DISC1: variants seen among roughly 807,000 people sequenced by gnomAD.
The protein encoded by DISC1 is DISC1 scaffold protein, also known as disrupted in schizophrenia 1 protein.
DISC1 carries 57 observed loss-of-function variants against 84.5 expected under a neutral mutation model. That is an observed-to-expected ratio of 0.67 (90% CI 0.55 to 0.84). DISC1 has a LOEUF of 0.84. DISC1 is among the 40% of genes least tolerant of loss of function. The probability of loss-of-function intolerance (pLI) is 0.00; values close to 1 mark genes in which losing one functional copy is unlikely to be tolerated. For synonymous variants in DISC1, 411 were observed against 415.2 expected (o/e 0.99, Z 0.12); for missense variants, 1,000 against 1,057.8 (o/e 0.95, Z 0.76).
chr1:232,007,182 G>A (rs1429565973), intron 10 of DISC1, among the ~76,000 whole-genome samples: 2 of 152,304 alleles, frequency 1.3e-5, no homozygotes, highest in South Asian at 2.1e-4. Context: ...AGGGAAATGT[G>A]GGGTCAGAGC....
intron 3 of DISC1, among the ~76,000 whole-genome samples, chr1:231,738,185 G>A (rs1054116604): frequency 6.6e-6 from 1 of 152,094 alleles, no homozygotes. Context: ...CCCCAAACAA[G>A]GACACTCTCC....
chr1:231,725,652 A>G (rs2070554309), intron 3 of DISC1, among the ~76,000 whole-genome samples: 1 of 152,210 alleles, frequency 6.6e-6, no homozygotes, highest in East Asian at 1.9e-4. Flanking sequence ...GCTGTCTAAC[A>G]CCACCAGGTC....
chr1:231,985,343 A>G (rs1664265669), intron 10 of DISC1, among the ~76,000 whole-genome samples: 1 of 151,382 alleles, frequency 6.6e-6, no homozygotes, highest in Non-Finnish European at 1.5e-5. Context: ...CACCAAAAAA[A>G]AAAAAAAAAA....
intron 1 of DISC1, among the ~76,000 whole-genome samples, chr1:231,674,585 C>T (rs1236279511): frequency 6.6e-6 from 1 of 152,174 alleles, no homozygotes; most frequent in Non-Finnish European, 1.5e-5. Flanking sequence ...CTAGGTGTGA[C>T]CCGGGTGTGC....
At chr1:231,898,143 A>G (rs1319200860) in intron 9 of DISC1, among the ~76,000 whole-genome samples, 1 of 152,216 alleles carries the variant, frequency 6.6e-6, no homozygotes, top group African/African-American at 2.4e-5. Context: ...AAATCTATGT[A>G]TATTCACTTT....
intron 9 of DISC1, among the ~76,000 whole-genome samples, chr1:231,912,835 CTTCTTT>C (rs2126059601): frequency 6.7e-6 from 1 of 148,756 alleles, no homozygotes; most frequent in Admixed American, 6.8e-5. Flanking sequence ...TTCCTTTCTT[CTTCTTT>C]TTCTTCTTCT....
At chr1:231,679,078 T>G (rs1199528553) in intron 1 of DISC1, among the ~76,000 whole-genome samples, 1 of 152,230 alleles carries the variant, frequency 6.6e-6, no homozygotes, top group Non-Finnish European at 1.5e-5. Context: ...CATGGGCGAC[T>G]TGAATTCTAG....
intron 9 of DISC1, among the ~76,000 whole-genome samples, chr1:231,911,642 A>G (rs1455297250): frequency 6.6e-6 from 1 of 152,078 alleles, no homozygotes; most frequent in Admixed American, 6.5e-5. Context: ...GAATCTGACA[A>G]TTATGTGTCT....
intron 1 of DISC1, among the ~76,000 whole-genome samples, chr1:231,644,435 T>C (rs1044839182): frequency 6.6e-6 from 1 of 152,214 alleles, no homozygotes; most frequent in African/African-American, 2.4e-5. Flanking sequence ...ATTCTGTTAA[T>C]AGGAGGCACT....
At chr1:231,671,593 G>T (rs2062623847) in intron 1 of DISC1, among the ~76,000 whole-genome samples, 1 of 152,120 alleles carries the variant, frequency 6.6e-6, no homozygotes, top group South Asian at 2.1e-4. Context: ...AAGGACCTTG[G>T]AAAAACACTC....
At chr1:231,859,082 C>T (rs2084461418) in intron 9 of DISC1, among the ~76,000 whole-genome samples, 1 of 152,166 alleles carries the variant, frequency 6.6e-6, no homozygotes, top group Admixed American at 6.6e-5. Context: ...ATTTTGGAAA[C>T]CAGCATACTT....
intron 3 of DISC1, among the ~76,000 whole-genome samples, chr1:231,733,113 A>AGTGGTGGGAGTGGTGGTGAGAGTG (rs2071803372): frequency 1.3e-4 from 1 of 7,410 alleles, no homozygotes; most frequent in African/African-American, 5.1e-4. Context: ...TGATGGTGGT[A>AGTGGTGGGAGTGGTGGTGAGAGTG]GTGGTAGGAG....
chr1:231,808,443 C>G (rs1200732775), intron 8 of DISC1, among the ~76,000 whole-genome samples: 2 of 152,200 alleles, frequency 1.3e-5, no homozygotes, highest in Non-Finnish European at 2.9e-5. Context: ...GTTACTCTCC[C>G]CTGGCCTTCC....
intron 9 of DISC1, among the ~76,000 whole-genome samples, chr1:231,933,234 G>A (rs908526672): frequency 6.6e-6 from 1 of 152,204 alleles, no homozygotes; most frequent in African/African-American, 2.4e-5. Context: ...GTGCTGGTAA[G>A]TTGTGAAGTT....
intron 1 of DISC1, among the ~76,000 whole-genome samples, chr1:231,668,324 T>G (rs537702017): frequency 3.9e-5 from 6 of 152,348 alleles, no homozygotes; most frequent in African/African-American, 1.2e-4. Flanking sequence ...TACAGCATAC[T>G]GTACTTACTA....
At chr1:231,834,151 T>G (rs1289902211) in intron 9 of DISC1, among the ~76,000 whole-genome samples, 1 of 152,012 alleles carries the variant, frequency 6.6e-6, no homozygotes, top group African/African-American at 2.4e-5. Context: ...AGGAAATTGC[T>G]GGGCAGGTGG....
chr1:231,647,829 T>C (rs1281137058), intron 1 of DISC1, among the ~76,000 whole-genome samples: 1 of 152,222 alleles, frequency 6.6e-6, no homozygotes, highest in African/African-American at 2.4e-5. Context: ...CAATTGTGAA[T>C]GGGAGTTTGC....
chr1:231,676,571 C>G (rs953752575), intron 1 of DISC1, among the ~76,000 whole-genome samples: 3 of 152,200 alleles, frequency 2.0e-5, no homozygotes, highest in African/African-American at 7.2e-5. Flanking sequence ...TTTCTTATTT[C>G]CTGTTTAAAT....
chr1:231,719,132 A>G (rs2069223326), intron 3 of DISC1, among the ~76,000 whole-genome samples: 1 of 152,188 alleles, frequency 6.6e-6, no homozygotes, highest in Non-Finnish European at 1.5e-5. Context: ...CTCCAAAAAA[A>G]CAAAAAAGAC....
Sources: allele counts gnomAD v4.1 joint callset (sites outside exome capture counted in the v4.1 genomes callset), GRCh38; gene constraint gnomAD v4.1.1; transcripts MANE v1.5; gene names NCBI Gene and HGNC (gene_info 2026-07-23, HGNC 2026-07-21).